Variants in NTNG2 observed in about 807,000 individuals in gnomAD.
NTNG2 encodes netrin G2.
A neutral mutation model predicts 47.6 loss-of-function variants in NTNG2; 15 were observed. That is an observed-to-expected ratio of 0.32 (90% CI 0.21 to 0.49). The LOEUF is 0.49. Among genes scored for constraint, NTNG2 ranks in the 20% least tolerant of loss-of-function variants. The pLI is 0.99. For synonymous variants in NTNG2, 307 were observed against 324.6 expected (o/e 0.95, Z 0.58); for missense variants, 578 against 764.6 (o/e 0.76, Z 2.88).
intron 2 of NTNG2, among the ~76,000 whole-genome samples, chr9:132,189,581 C>T (rs1476949136): frequency 6.6e-6 from 1 of 152,042 alleles, no homozygotes; most frequent in Non-Finnish European, 1.5e-5. Flanking sequence ...GGAAGAAGGG[C>T]AGGGGAAGGT....
chr9:132,241,094 G>A, intron 7 of NTNG2, 50 bp downstream of exon 7: 1 of 1,523,710 alleles, frequency 6.6e-7, no homozygotes, highest in African/African-American at 1.4e-5. Flanking sequence ...AGGGGACGGG[G>A]CAGGACCGAG....
chr9:132,168,188 G>T (rs548207431), intron 2 of NTNG2, among the ~76,000 whole-genome samples: 1 of 152,354 alleles, frequency 6.6e-6, no homozygotes, highest in East Asian at 1.9e-4. Flanking sequence ...CCAGCTTAGA[G>T]TGGCTCCAAT....
intron 3 of NTNG2, among the ~76,000 whole-genome samples, chr9:132,199,883 G>A (rs1270041113): frequency 6.6e-6 from 1 of 152,178 alleles, no homozygotes; most frequent in Non-Finnish European, 1.5e-5. Context: ...CTTTGAGGAA[G>A]GCAAAAGACT....
At chr9:132,229,127 G>A (rs1381834427) in intron 4 of NTNG2, among the ~76,000 whole-genome samples, 1 of 152,088 alleles carries the variant, frequency 6.6e-6, no homozygotes, top group Non-Finnish European at 1.5e-5. Context: ...AGGCCCCCAA[G>A]CCCCAGGAAG....
chr9:132,239,355 C>CT (rs1444434978), intron 6 of NTNG2, 84 bp downstream of exon 6: 1 of 1,393,318 alleles, frequency 7.2e-7, no homozygotes, highest in Admixed American at 1.8e-5. Flanking sequence ...CTGGGGCCCC[C>CT]TGCATCAGAA....
chr9:132,161,937 G>A (rs549743757), upstream of NTNG2: 18 of 150,976 alleles, frequency 1.2e-4, no homozygotes, highest in South Asian at 3.1e-3. The surrounding 1 kb of genome is among the most constrained non-coding windows in gnomAD (Gnocchi z 7.2). Context: ...ACTTGTTAGC[G>A]GCGACCTCCC....
intron 2 of NTNG2, among the ~76,000 whole-genome samples, chr9:132,185,644 C>A (rs1035470093): frequency 6.6e-6 from 1 of 152,108 alleles, no homozygotes; most frequent in Non-Finnish European, 1.5e-5. Flanking sequence ...GCCTTTCCCC[C>A]GCCCGCCCCC....
In NTNG2 at chr9:132,166,798, T is replaced by C. The variant is rs1405793557; in HGVS notation, c.-34T>C. The C allele has an allele frequency of 6.2e-7, 1 of 1,607,112 alleles. No homozygotes were observed. Among genetic ancestry groups the C allele is most frequent in the Non-Finnish European group, 8.5e-7 (1 of 1,175,556 alleles). On this transcript the variant is annotated 5_prime_UTR_variant, in exon 2 of 8. Transcript: ENST00000393229. ...GACCCCGTCGCTGCCTCTCCAGGGC[T>C]TCTCTGGGCCGCGCCTCTGCAGACT...
In NTNG2 at chr9:132,212,205, C is replaced by A. The variant is rs547060375; in HGVS notation, c.857+13596C>A. Among the ~76,000 whole-genome samples, 72 of 152,272 alleles carry A rather than the reference C, an allele frequency of 4.7e-4. No homozygotes were observed. In the South Asian group the frequency reaches 0.015, roughly 31 times the overall value. On this transcript the variant is annotated intron_variant, in intron 3 of 7. Transcript: ENST00000393229. ...GGTCCTTCCCTCGGGGGTGTTGGGC[C>A]TTCCTGCAGGGGAAGAAGAAACCTT...
In NTNG2 at chr9:132,235,197, A is replaced by G; in HGVS notation, c.1055-3907A>G. Among the ~76,000 whole-genome samples, 2 of 152,218 alleles carry G rather than the reference A, an allele frequency of 1.3e-5. 1 individual carries two copies. Among genetic ancestry groups the G allele is most frequent in the Non-Finnish European group, 2.9e-5 (2 of 68,040 alleles). ...GTCCCTGGATTGCGGCTGGACAGGA[A>G]GGACACCTTCCAGGACACTTCTGGA... On this transcript the variant is annotated intron_variant, in intron 5 of 7. Transcript: ENST00000393229.
At chr9:132,233,680 C>T (rs955645625) in intron 5 of NTNG2, 1 of 152,160 alleles carries the variant, frequency 6.6e-6, no homozygotes, top group Non-Finnish European at 1.5e-5. Flanking sequence ...TCCAGAGCCC[C>T]CATTAATGAA....
intron 3 of NTNG2, among the ~76,000 whole-genome samples, chr9:132,222,340 C>T (rs1451184230): frequency 6.6e-6 from 1 of 152,202 alleles, no homozygotes; most frequent in African/African-American, 2.4e-5. Context: ...GCCTGCTGTC[C>T]CCCTCTGTGC....
rs141502350 is a variant in NTNG2, at chr9:132,205,102, G to A, written c.857+6493G>A. On this transcript the variant is annotated intron_variant, in intron 3 of 7. Transcript: ENST00000393229. Reference sequence around the variant, plus strand: ...AGTTACATGTAGATTTAGCAATTCCGCTCCTAGGTATAGACCCAACAGAAC... The same window carrying A: ...AGTTACATGTAGATTTAGCAATTCCACTCCTAGGTATAGACCCAACAGAAC... Among the ~76,000 whole-genome samples the A allele has an allele frequency of 8.5e-5, 13 of 152,254 alleles. 1 individual carries two copies. The East Asian group carries it at 1.2e-3, about 14-fold the overall frequency.
At chr9:132,224,030 C>A (rs10121025) in intron 3 of NTNG2, among the ~76,000 whole-genome samples, 39 of 152,108 alleles carry the variant, frequency 2.6e-4, no homozygotes, top group African/African-American at 8.7e-4. Context: ...ACTCTTGATC[C>A]TCCTTCAGGT....
At chr9:132,165,387 A>T (rs183751802) in intron 1 of NTNG2, among the ~76,000 whole-genome samples, 2 of 152,380 alleles carry the variant, frequency 1.3e-5, no homozygotes, top group African/African-American at 4.8e-5. Flanking sequence ...ACCCATTTAT[A>T]GACCTACCCT....
At chr9:132,184,361 G>A (rs1359047600) in intron 2 of NTNG2, among the ~76,000 whole-genome samples, 1 of 152,218 alleles carries the variant, frequency 6.6e-6, no homozygotes, top group Non-Finnish European at 1.5e-5. Context: ...TCACTCGGCT[G>A]TGTCAGGCTC....
chr9:132,185,791 G>T (rs1039474526), intron 2 of NTNG2, among the ~76,000 whole-genome samples: 1 of 151,576 alleles, frequency 6.6e-6, no homozygotes, highest in Non-Finnish European at 1.5e-5. Flanking sequence ...GGGCAGGAAG[G>T]GAGGCGCCAG....
chr9:132,178,191 T>C (rs1221371847), intron 2 of NTNG2, among the ~76,000 whole-genome samples: 1 of 151,998 alleles, frequency 6.6e-6, no homozygotes, highest in Non-Finnish European at 1.5e-5. Flanking sequence ...ACCCTCCCCT[T>C]CCCCTCCCCA....
intron 2 of NTNG2, among the ~76,000 whole-genome samples, chr9:132,171,854 CT>C (rs1454416904): frequency 2.6e-5 from 4 of 152,254 alleles, no homozygotes; most frequent in Non-Finnish European, 5.9e-5. Flanking sequence ...CTCCTTCCCC[CT>C]CTGTGTTTCT....
Sources: gnomAD v4.1 joint callset for allele counts (sites outside exome capture counted in the v4.1 genomes callset) on GRCh38, gnomAD v4.1.1 for gene constraint, Gnocchi (gnomAD v3.1) non-coding constraint, MANE v1.5 for transcripts, NCBI Gene and HGNC (gene_info 2026-07-23, HGNC 2026-07-21) for gene names.